Variants in SDC4 observed in about 807,000 individuals in gnomAD.
SDC4 encodes syndecan-4.
A neutral mutation model predicts 20.5 loss-of-function variants in SDC4; 17 were observed. The ratio of observed to expected loss-of-function variants is 0.83; its 90% CI spans 0.57 to 1.25. The LOEUF is 1.25. Ranked by LOEUF, SDC4 falls within the 50% of genes most tolerant of loss-of-function variation. SDC4 has a pLI of 0.00. For missense variants in SDC4, 241 were observed against 252.3 expected (o/e 0.96, Z 0.30); for synonymous variants, 107 against 105.3 (o/e 1.02, Z -0.10).
intron 4 of SDC4, among the ~76,000 whole-genome samples, chr20:45,327,831 A>G (rs1987717171): frequency 6.6e-6 from 1 of 152,130 alleles, no homozygotes; most frequent in South Asian, 2.1e-4. Flanking sequence ...TTTAGTAGAG[A>G]TAGGGTTTCA....
intron 1 of SDC4, 73 bp downstream of exon 1, chr20:45,348,252 G>T: frequency 4.1e-6 from 4 of 978,240 alleles, no homozygotes; most frequent in Middle Eastern, 2.3e-4. Context: ...CCCATCCCAC[G>T]CTCCGACGAA....
chr20:45,342,130 T>C (rs1987960993), intron 1 of SDC4, among the ~76,000 whole-genome samples: 1 of 152,142 alleles, frequency 6.6e-6, no homozygotes, highest in South Asian at 2.1e-4. Flanking sequence ...ATCCGAGGGC[T>C]AGGGAGGCTC....
At chr20:45,343,611 A>T (rs1288766592) in intron 1 of SDC4, among the ~76,000 whole-genome samples, 1 of 152,156 alleles carries the variant, frequency 6.6e-6, no homozygotes, top group East Asian at 1.9e-4. Flanking sequence ...AAGATAAACA[A>T]ATAGGAGATT....
At chr20:45,331,216 T>C (rs1400692841) in intron 3 of SDC4, among the ~76,000 whole-genome samples, 1 of 152,122 alleles carries the variant, frequency 6.6e-6, no homozygotes, top group Non-Finnish European at 1.5e-5. Flanking sequence ...ACTTTGGATA[T>C]CACCTTTTGT....
At chr20:45,344,913 AC>A (rs1384153438) in intron 1 of SDC4, among the ~76,000 whole-genome samples, 1 of 152,172 alleles carries the variant, frequency 6.6e-6, no homozygotes, top group East Asian at 1.9e-4. Context: ...CTACCTTCAA[AC>A]CCAGCAAATT....
At chr20:45,329,988 G>A (rs547982201) in intron 4 of SDC4, among the ~76,000 whole-genome samples, 1 of 152,238 alleles carries the variant, frequency 6.6e-6, no homozygotes, top group East Asian at 1.9e-4. Flanking sequence ...TAGGGGGAGG[G>A]GAAGCTAACC....
chr20:45,332,659 A>G (rs1987796309), intron 3 of SDC4, among the ~76,000 whole-genome samples: 1 of 152,080 alleles, frequency 6.6e-6, no homozygotes, highest in African/African-American at 2.4e-5. Context: ...CACTGGCACA[A>G]TCTTGGCTCA....
At chr20:45,333,585 C>T (rs1043766299) in intron 2 of SDC4, among the ~76,000 whole-genome samples, 4 of 152,218 alleles carry the variant, frequency 2.6e-5, no homozygotes, top group African/African-American at 7.2e-5. Context: ...AGGAGAATCA[C>T]TTGAACCCGG....
At chr20:45,332,146 A>ATT (rs1487988693) in intron 3 of SDC4, among the ~76,000 whole-genome samples, 1 of 142,608 alleles carries the variant, frequency 7.0e-6, no homozygotes, top group Non-Finnish European at 1.5e-5. Flanking sequence ...AGTTCATAGA[A>ATT]TTATATATAT....
chr20:45,334,021 G>GTC (rs1466213663), intron 2 of SDC4, among the ~76,000 whole-genome samples: 1 of 149,650 alleles, frequency 6.7e-6, no homozygotes, highest in South Asian at 2.1e-4. Flanking sequence ...TTGAGACAGA[G>GTC]TCTCTCTCTG....
At chr20:45,329,975 G>A (rs2145707698) in intron 4 of SDC4, among the ~76,000 whole-genome samples, 1 of 152,134 alleles carries the variant, frequency 6.6e-6, no homozygotes, top group South Asian at 2.1e-4. Flanking sequence ...CCAAGTGATA[G>A]AGTAGGGGGA....
chr20:45,330,511 G>C lies in SDC4; in HGVS notation c.300C>G (p.Pro100=). ...TCTCCTCTAGTTTCTTGGGTTCGGT[G>C]GGGACTTGGCTCCCAGACCCTGCCC... ...PERAGSGSQV[P]TEPKKLEENE... Residue 100 remains proline, a synonymous_variant, in exon 4 of 5, where the codon CCC becomes CCG. Coordinates refer to ENST00000372733, the MANE Select transcript of SDC4 (RefSeq NM_002999.4). 6.2e-7 allele frequency: 1 copy of C among 1,614,140 alleles called. No individual in the cohort carries two copies. Among genetic ancestry groups the C allele is most frequent in the Non-Finnish European group, 8.5e-7 (1 of 1,180,034 alleles).
intron 1 of SDC4, among the ~76,000 whole-genome samples, chr20:45,346,291 G>A (rs1313497405): frequency 6.6e-6 from 1 of 152,176 alleles, no homozygotes; most frequent in Non-Finnish European, 1.5e-5. Context: ...GAAGCCCTGT[G>A]CCCCAGTTAC....
intron 4 of SDC4, among the ~76,000 whole-genome samples, chr20:45,329,115 C>G (rs538854286): frequency 6.6e-6 from 1 of 152,320 alleles, no homozygotes; most frequent in Non-Finnish European, 1.5e-5. Flanking sequence ...ATACAGCATA[C>G]AGCAAGCATT....
chr20:45,342,860 A>C (rs1021199921), intron 1 of SDC4, among the ~76,000 whole-genome samples: 2 of 152,200 alleles, frequency 1.3e-5, no homozygotes, highest in Non-Finnish European at 2.9e-5. Context: ...ATGCACAGAC[A>C]CCACCTCCCC....
chr20:45,341,381 C>T (rs988059484), intron 1 of SDC4, among the ~76,000 whole-genome samples: 12 of 152,112 alleles, frequency 7.9e-5, no homozygotes, highest in Non-Finnish European at 1.5e-4. Context: ...TCCCTTCAGA[C>T]TGTGAAAAAA....
chr20:45,335,501 C>A (rs538729709), intron 2 of SDC4, among the ~76,000 whole-genome samples: 2 of 151,600 alleles, frequency 1.3e-5, no homozygotes, highest in South Asian at 2.1e-4. Flanking sequence ...CCATGCCCTG[C>A]AGAAAAGAGA....
intron 1 of SDC4, among the ~76,000 whole-genome samples, chr20:45,339,871 A>G (rs565653737): frequency 5.3e-5 from 8 of 152,158 alleles, no homozygotes; most frequent in Non-Finnish European, 1.2e-4. Flanking sequence ...GGGGAGAAAG[A>G]AGGGAGGGGA....
intron 1 of SDC4, among the ~76,000 whole-genome samples, chr20:45,337,506 G>A (rs543838380): frequency 5.3e-5 from 8 of 152,352 alleles, no homozygotes; most frequent in African/African-American, 1.7e-4. Context: ...GTCACACAGA[G>A]CGTTCGCTAC....
Sources: allele counts gnomAD v4.1 joint callset (sites outside exome capture counted in the v4.1 genomes callset), GRCh38; gene constraint gnomAD v4.1.1; transcripts MANE v1.5; gene names NCBI Gene and HGNC (gene_info 2026-07-23, HGNC 2026-07-21).